The following RALGAPA2 variants were observed in gnomAD, a reference collection of about 807,000 sequenced individuals.
The protein encoded by RALGAPA2 is Ral GTPase activating protein catalytic subunit alpha 2.
Under a neutral mutation model 230.4 loss-of-function variants are expected in RALGAPA2, and 139 were observed. The observed-to-expected ratio is 0.60, with a 90% CI of 0.53 to 0.69. The LOEUF (loss-of-function observed/expected upper bound fraction) is 0.69. Ranked by LOEUF, RALGAPA2 falls within the 30% of genes least tolerant of loss-of-function variation. The probability of loss-of-function intolerance (pLI) is 0.00; values close to 1 mark genes in which losing one functional copy is unlikely to be tolerated. For synonymous variants in RALGAPA2, 847 were observed against 837.8 expected (o/e 1.01, Z -0.19); for missense variants, 2,163 against 2,276.0 (o/e 0.95, Z 1.01).
rs542652140 is a variant in RALGAPA2 at position 20,420,682 on chromosome 20, G to A, written c.5496-8534C>T. Among the ~76,000 whole-genome samples the A allele has an allele frequency of 2.0e-5, 3 of 152,212 alleles. No individual in the cohort carries two copies. The East Asian group carries it at 5.8e-4, about 29-fold the overall frequency. ...GCACTACACACAAGGAGGCAGGCACGACCCTCCCACAGGACAGATACTGGG... is the reference window on the plus strand; with the variant it reads ...GCACTACACACAAGGAGGCAGGCACAACCCTCCCACAGGACAGATACTGGG... On this transcript the variant is annotated intron_variant, in intron 37 of 39. Transcript: ENST00000202677.
chr20:20,400,076 G>A (rs1480485392), intron 38 of RALGAPA2, among the ~76,000 whole-genome samples: 1 of 152,234 alleles, frequency 6.6e-6, no homozygotes, highest in African/African-American at 2.4e-5. Context: ...CAGAGTGGGA[G>A]ATCAGAGAGC....
At chr20:20,704,882 CA>C (rs2069533610) in intron 1 of RALGAPA2, among the ~76,000 whole-genome samples, 1 of 152,240 alleles carries the variant, frequency 6.6e-6, no homozygotes, top group African/African-American at 2.4e-5. Context: ...CCTCTCTCTA[CA>C]GAACCCTCAT....
intron 6 of RALGAPA2, 80 bp downstream of exon 6, chr20:20,640,621 C>T: frequency 7.3e-7 from 1 of 1,374,004 alleles, no homozygotes; most frequent in South Asian, 1.4e-5. Flanking sequence ...GATTTCTATT[C>T]AAGAAAATGA....
intron 15 of RALGAPA2, 96 bp downstream of exon 15, chr20:20,605,079 C>T (rs2065777830): frequency 8.0e-6 from 8 of 1,000,958 alleles, no homozygotes; most frequent in Non-Finnish European, 1.1e-5. Context: ...TGGTTCAGTT[C>T]ATTATAAAAT....
intron 3 of RALGAPA2, among the ~76,000 whole-genome samples, chr20:20,655,822 T>C (rs1235255641): frequency 1.3e-5 from 2 of 152,048 alleles, no homozygotes; most frequent in Admixed American, 6.6e-5. Context: ...ATGCAGGAGA[T>C]AAAATTGTCA....
intron 8 of RALGAPA2, 92 bp from the exon 9 acceptor site, chr20:20,635,709 T>C (rs892850887): frequency 8.5e-7 from 1 of 1,176,582 alleles, no homozygotes; most frequent in Non-Finnish European, 1.2e-6. Context: ...TTAAATCCAA[T>C]TTTTGGTTGT....
chr20:20,438,924 T>C (rs2060673406), intron 37 of RALGAPA2, among the ~76,000 whole-genome samples: 1 of 152,236 alleles, frequency 6.6e-6, no homozygotes, highest in Non-Finnish European at 1.5e-5. Context: ...GACTTCTTGT[T>C]TCTCCTGAGC....
intron 10 of RALGAPA2, among the ~76,000 whole-genome samples, chr20:20,623,612 T>C (rs181544028): frequency 1.3e-5 from 2 of 151,942 alleles, no homozygotes; most frequent in East Asian, 3.9e-4. Context: ...TCTCACCAGA[T>C]CCTCCAGGTC....
At chr20:20,697,930 G>A (rs577674396) in intron 1 of RALGAPA2, among the ~76,000 whole-genome samples, 140 of 152,252 alleles carry the variant, frequency 9.2e-4, no homozygotes, top group Non-Finnish European at 1.8e-3. Flanking sequence ...AAAGCCAAAC[G>A]CTCCCTTAGA....
intron 34 of RALGAPA2, among the ~76,000 whole-genome samples, chr20:20,504,690 C>T (rs983918605): frequency 1.3e-5 from 2 of 151,490 alleles, no homozygotes; most frequent in African/African-American, 4.9e-5. Context: ...TGTGCGACTG[C>T]ACTCCAGCCT....
intron 37 of RALGAPA2, among the ~76,000 whole-genome samples, chr20:20,466,960 T>C (rs1351385496): frequency 6.6e-6 from 1 of 152,220 alleles, no homozygotes; most frequent in East Asian, 1.9e-4. Flanking sequence ...GTCAAATTAG[T>C]TAACCCTCTC....
Position 20,396,700 on chromosome 20 carries a change from T to A in RALGAPA2, c.*30A>T. 6.2e-7 allele frequency: 1 copy of A among 1,609,948 alleles called. No homozygotes were observed. The highest frequency in any genetic ancestry group is 8.5e-7 in the Non-Finnish European group (1 of 1,176,714). On this transcript the variant is annotated 3_prime_UTR_variant, in exon 39 of 40. Transcript: ENST00000202677. The stretch of plus-strand genomic sequence containing the variant: ...CACTGAAGTGTCTGTCTTACCTTGC[T>A]CAAATATTGAAATGAGACCTTTACG...
chr20:20,617,206 A>T (rs952198232), intron 12 of RALGAPA2, among the ~76,000 whole-genome samples: 2 of 152,180 alleles, frequency 1.3e-5, no homozygotes, highest in Non-Finnish European at 2.9e-5. Context: ...TATAAGTAAA[A>T]TTTTTTAAAG....
chr20:20,562,717 T>C (rs1412063078), intron 23 of RALGAPA2, among the ~76,000 whole-genome samples: 1 of 152,202 alleles, frequency 6.6e-6, no homozygotes, highest in Admixed American at 6.5e-5. Context: ...ACTGCACATG[T>C]GTTAAACCTC....
intron 13 of RALGAPA2, among the ~76,000 whole-genome samples, chr20:20,614,709 T>A (rs2066080130): frequency 6.6e-6 from 1 of 152,216 alleles, no homozygotes; most frequent in Admixed American, 6.5e-5. Context: ...CCTTCCCTCA[T>A]CTTTGAAGAA....
chr20:20,527,990 G>A (rs1377931977), intron 27 of RALGAPA2, among the ~76,000 whole-genome samples: 5 of 152,182 alleles, frequency 3.3e-5, no homozygotes, highest in Non-Finnish European at 7.3e-5. Flanking sequence ...GCAGACAGGA[G>A]TGGGACATGA....
intron 31 of RALGAPA2, among the ~76,000 whole-genome samples, chr20:20,520,357 G>T (rs2063000414): frequency 6.6e-6 from 1 of 152,108 alleles, no homozygotes; most frequent in African/African-American, 2.4e-5. Flanking sequence ...TGGGGAGAGG[G>T]GTGCTTAAGT....
intron 36 of RALGAPA2, among the ~76,000 whole-genome samples, chr20:20,483,114 C>A (rs2047951555): frequency 1.3e-5 from 2 of 152,008 alleles, no homozygotes; most frequent in Non-Finnish European, 2.9e-5. Context: ...GGAAAGGCTG[C>A]AGATCTGTTG....
intron 37 of RALGAPA2, among the ~76,000 whole-genome samples, chr20:20,456,067 C>T (rs1036185129): frequency 2.6e-5 from 4 of 152,226 alleles, no homozygotes; most frequent in African/African-American, 7.2e-5. Context: ...GCTTTCATGA[C>T]TTAACTCTCT....
Sources: allele counts gnomAD v4.1 joint callset (sites outside exome capture counted in the v4.1 genomes callset), GRCh38; gene constraint gnomAD v4.1.1; transcripts MANE v1.5; gene names NCBI Gene and HGNC (gene_info 2026-07-23, HGNC 2026-07-21).